Variants in PIK3C3 observed in about 807,000 individuals in gnomAD.
PIK3C3 encodes PI3-kinase type 3.
PIK3C3 carries 95 observed loss-of-function variants against 126.1 expected under a neutral mutation model. That is an observed-to-expected ratio of 0.75 (90% CI 0.64 to 0.89). The LOEUF (loss-of-function observed/expected upper bound fraction) is 0.89. PIK3C3 is among the 40% of genes least tolerant of loss of function. PIK3C3 has a pLI of 0.00. For synonymous variants in PIK3C3, 374 were observed against 360.0 expected (o/e 1.04, Z -0.44); for missense variants, 829 against 1,063.2 (o/e 0.78, Z 3.06).
intron 9 of PIK3C3, among the ~76,000 whole-genome samples, chr18:42,001,556 G>A (rs1179420701): frequency 1.3e-5 from 2 of 152,074 alleles, no homozygotes; most frequent in African/African-American, 2.4e-5. Flanking sequence ...CTTACTTTTT[G>A]TCTTTCTTAT....
At chr18:41,973,312 GCTT>G (rs992099187) in intron 4 of PIK3C3, among the ~76,000 whole-genome samples, 2 of 151,934 alleles carry the variant, frequency 1.3e-5, no homozygotes, top group African/African-American at 4.8e-5. Flanking sequence ...ATTAGTGCTT[GCTT>G]CTTAAATTTT....
intron 16 of PIK3C3, among the ~76,000 whole-genome samples, chr18:42,035,562 A>G (rs1011606514): frequency 1.3e-5 from 2 of 152,162 alleles, no homozygotes; most frequent in Non-Finnish European, 2.9e-5. Flanking sequence ...TCTTAAGTAT[A>G]TGGGCATTCT....
intron 13 of PIK3C3, chr18:42,027,221 A>G (rs547303296): frequency 4.1e-6 from 1 of 245,046 alleles, no homozygotes; most frequent in African/African-American, 2.2e-5. Flanking sequence ...GATATTACAC[A>G]AATTAAGGCA....
chr18:42,015,249 C>T (rs545664276), intron 11 of PIK3C3, among the ~76,000 whole-genome samples: 1 of 152,204 alleles, frequency 6.6e-6, no homozygotes, highest in South Asian at 2.1e-4. Flanking sequence ...TTACCCAAAC[C>T]TTTAATATGC....
In PIK3C3 at chr18:42,064,737, T is replaced by C; in HGVS notation, c.2433-3T>C. ...TATTTTTTTCTTTTCTGCTCTTCTT[T>C]AGGTATTCTAATCTGATTTTGAACT... On this transcript the variant is annotated splice_region_variant and splice_polypyrimidine_tract_variant and intron_variant, in intron 22 of 24. Transcript: ENST00000262039. 1 of 1,490,796 alleles carries C rather than the reference T, an allele frequency of 6.7e-7. No individual in the cohort carries two copies. The highest frequency in any genetic ancestry group is 9.4e-7 in the Non-Finnish European group (1 of 1,069,004). The allele number at this position is 1,490,796 out of a possible 1,614,324, so 92.3% of individuals were successfully genotyped here. A position where few individuals can be genotyped will look rare whatever the true frequency, so the allele number is the denominator to read the frequency against.
At chr18:42,048,247 G>A (rs912614768) in intron 20 of PIK3C3, among the ~76,000 whole-genome samples, 6 of 152,126 alleles carry the variant, frequency 3.9e-5, no homozygotes, top group African/African-American at 7.2e-5. Flanking sequence ...ACTATTTAAG[G>A]TGATTAGGAC....
chr18:41,984,577 G>C (rs1445540267), intron 4 of PIK3C3, among the ~76,000 whole-genome samples: 1 of 152,168 alleles, frequency 6.6e-6, no homozygotes, highest in Non-Finnish European at 1.5e-5. Context: ...GTTCGTTGGA[G>C]AGGTGAAGGA....
At chr18:42,066,643 T>C (rs1985551552) in intron 23 of PIK3C3, among the ~76,000 whole-genome samples, 1 of 152,212 alleles carries the variant, frequency 6.6e-6, no homozygotes, top group South Asian at 2.1e-4. Flanking sequence ...GTTGCATGTA[T>C]AATATTTGGC....
intron 21 of PIK3C3, among the ~76,000 whole-genome samples, chr18:42,052,008 A>G (rs879267490): frequency 2.0e-5 from 3 of 151,764 alleles, no homozygotes; most frequent in Non-Finnish European, 4.4e-5. Flanking sequence ...AATAAATAAA[A>G]AAGAATTTGC....
intron 12 of PIK3C3, among the ~76,000 whole-genome samples, chr18:42,020,099 A>T (rs1283828713): frequency 6.6e-6 from 1 of 152,134 alleles, no homozygotes; most frequent in Non-Finnish European, 1.5e-5. Context: ...TGTAAATCAC[A>T]TCATCTCACT....
intron 2 of PIK3C3, among the ~76,000 whole-genome samples, chr18:41,961,545 G>A (rs1319010157): frequency 6.6e-6 from 1 of 151,290 alleles, no homozygotes; most frequent in African/African-American, 2.5e-5. Context: ...TAAGTTTTTG[G>A]AAATTTTGTT....
rs117612555 is a variant in PIK3C3 at position 42,046,393 on chromosome 18, C to A, written c.2188+2576C>A. On this transcript the variant is annotated intron_variant, in intron 20 of 24. Coordinates refer to ENST00000262039, the MANE Select transcript of PIK3C3 (RefSeq NM_002647.4). ...ATTATCTAAAGTCTCAAGTGTATAT[C>A]ATGCAGCTAAATGTGGGAATACTGT... 4.2e-3 allele frequency among the ~76,000 whole-genome samples: 642 copies of A among 152,224 alleles called. 3 individuals are homozygous for A. Among genetic ancestry groups the A allele is most frequent in the Non-Finnish European group, 5.7e-3 (390 of 67,984 alleles).
chr18:42,003,697 G>GT (rs1161728293), intron 9 of PIK3C3, among the ~76,000 whole-genome samples: 3 of 152,220 alleles, frequency 2.0e-5, no homozygotes, highest in African/African-American at 7.2e-5. Context: ...ATTCAAGGGA[G>GT]TGAGGTTGCA....
intron 2 of PIK3C3, among the ~76,000 whole-genome samples, chr18:41,961,792 T>G (rs552341734): frequency 2.0e-5 from 3 of 152,188 alleles, no homozygotes; most frequent in African/African-American, 7.2e-5. Context: ...ATAAGAAAAT[T>G]TACATAAATA....
rs533461092 is a variant in PIK3C3 at position 42,083,426 on chromosome 18, AAG to A, written c.*2295_*2296del. The A allele has an allele frequency of 6.0e-4, 91 of 152,266 alleles. No homozygotes were observed. The highest frequency in any genetic ancestry group is 1.1e-3 in the Admixed American group (17 of 15,294). 9.4% of individuals were successfully genotyped at this position (152,266 alleles called of 1,614,324 possible). On this transcript the variant is annotated 3_prime_UTR_variant, in exon 25 of 25. Coordinates refer to ENST00000262039, the MANE Select transcript of PIK3C3 (RefSeq NM_002647.4). ...TTCAGAGTGAGATTTCTGAGAGGAG[AAG>A]AGAGAATGTAGATGGCAGTTATTGA...
chr18:42,065,574 G>T (rs938562690), intron 23 of PIK3C3, among the ~76,000 whole-genome samples: 1 of 152,216 alleles, frequency 6.6e-6, no homozygotes, highest in African/African-American at 2.4e-5. Flanking sequence ...TTCACTGCCT[G>T]TGGAGGAACA....
chr18:42,022,406 A>G (rs914799685), intron 13 of PIK3C3, among the ~76,000 whole-genome samples: 2 of 152,052 alleles, frequency 1.3e-5, no homozygotes, highest in African/African-American at 4.8e-5. Context: ...TGTCCTTGCG[A>G]CAGTTTGCTC....
intron 4 of PIK3C3, among the ~76,000 whole-genome samples, chr18:41,972,653 T>TA (rs1328503156): frequency 6.6e-6 from 1 of 152,188 alleles, no homozygotes; most frequent in African/African-American, 2.4e-5. Context: ...AGTATTAACT[T>TA]ATGTTCCCCA....
At chr18:41,992,132 C>T (rs1227207181) in intron 6 of PIK3C3, among the ~76,000 whole-genome samples, 1 of 152,152 alleles carries the variant, frequency 6.6e-6, no homozygotes, top group African/African-American at 2.4e-5. Flanking sequence ...CCCCTTTCTA[C>T]CACTTCCTGA....
Sources: allele counts gnomAD v4.1 joint callset (sites outside exome capture counted in the v4.1 genomes callset), GRCh38; gene constraint gnomAD v4.1.1; transcripts MANE v1.5; gene names NCBI Gene and HGNC (gene_info 2026-07-23, HGNC 2026-07-21).